The following ANOS1 variants were observed in gnomAD, a reference collection of about 807,000 sequenced individuals.
ANOS1 encodes the protein anosmin-1.
A neutral mutation model predicts 59.0 loss-of-function variants in ANOS1; 6 were observed. The ratio of observed to expected loss-of-function variants is 0.10; its 90% CI spans 0.06 to 0.20. ANOS1 has a LOEUF of 0.20. Among genes scored for constraint, ANOS1 ranks in the 10% least tolerant of loss-of-function variants. The pLI is 1.00. For synonymous variants in ANOS1, 217 were observed against 223.4 expected (o/e 0.97, Z 0.25); for missense variants, 433 against 542.3 (o/e 0.80, Z 2.00).
intron 2 of ANOS1, among the ~76,000 whole-genome samples, chrX:8,683,183 A>T (rs762800870): frequency 9.0e-6 from 1 of 111,719 alleles, no homozygotes; most frequent in African/African-American, 3.3e-5. Context: ...ATCAGAGGGG[A>T]TAGCAAAACA....
chrX:8,674,530 C>A (rs1020190539), intron 2 of ANOS1, among the ~76,000 whole-genome samples: 1 of 111,979 alleles, frequency 8.9e-6, no homozygotes, highest in Non-Finnish European at 1.9e-5. Context: ...CCGGGCCACA[C>A]TGGAAGAAGA....
chrX:8,640,591 C>CAAA (rs545822787), intron 2 of ANOS1, among the ~76,000 whole-genome samples: 695 of 31,522 alleles, frequency 0.022, 19 homozygotes, highest in African/African-American at 0.056. Context: ...TGAACCTGTA[C>CAAA]AAAAAAAAAA....
intron 2 of ANOS1, among the ~76,000 whole-genome samples, chrX:8,683,152 G>A (rs1932452318): frequency 1.8e-5 from 2 of 111,331 alleles, no homozygotes; most frequent in South Asian, 7.7e-4. Flanking sequence ...ACATTTTAGG[G>A]ATAGTAAATG....
chrX:8,636,907 T>A (rs1931582379), intron 2 of ANOS1, among the ~76,000 whole-genome samples: 1 of 112,449 alleles, frequency 8.9e-6, no homozygotes, highest in South Asian at 3.7e-4. Flanking sequence ...ACTTTTCAGA[T>A]GCTTAAAAGG....
chrX:8,646,094 A>G (rs1192845757), intron 2 of ANOS1, among the ~76,000 whole-genome samples: 2 of 112,325 alleles, frequency 1.8e-5, no homozygotes, highest in Admixed American at 9.4e-5. Flanking sequence ...GTGCTGGGAC[A>G]ATTTTATTCT....
rs757508428 is a variant in ANOS1, at chrX:8,724,476, G to A, written c.207+7354C>T. 7.1e-5 allele frequency among the ~76,000 whole-genome samples: 8 copies of A among 112,569 alleles called. No individual in the cohort carries two copies. In the East Asian group the frequency reaches 2.3e-3, roughly 32 times the overall value. On this transcript the variant is annotated intron_variant, in intron 1 of 13. Transcript: ENST00000262648. Reference sequence around the variant, plus strand: ...GATCCCATGCGATGCTTTTGGGCATGAATTGCATTACAGAGCTGATTCCAG... The same window carrying A: ...GATCCCATGCGATGCTTTTGGGCATAAATTGCATTACAGAGCTGATTCCAG...
At chrX:8,715,229 C>G (rs1932835152) in intron 1 of ANOS1, among the ~76,000 whole-genome samples, 2 of 111,325 alleles carry the variant, frequency 1.8e-5, no homozygotes, top group South Asian at 7.5e-4. Flanking sequence ...ATTTAAAAAT[C>G]TACTTAATCT....
At position 8,693,733 on chromosome X, in the gene ANOS1, AT is replaced by A. The variant is rs35989320; in HGVS notation, c.255+5964del. 3.0e-3 allele frequency among the ~76,000 whole-genome samples: 225 copies of A among 75,322 alleles called. 1 individual carries two copies. Among genetic ancestry groups the A allele is most frequent in the African/African-American group, 8.7e-3 (168 of 19,205 alleles). 65.4% of individuals were successfully genotyped at this position (75,322 alleles called of 115,157 possible). ...GGGACTCATAAGGAATATTGCATGA[AT>A]TTTTTTTTTTTTTTTTTTTTTTTAG... On this transcript the variant is annotated intron_variant, in intron 2 of 13. Coordinates refer to ENST00000262648, the MANE Select transcript of ANOS1 (RefSeq NM_000216.4).
At chrX:8,594,182 A>AC (rs1930668244) in intron 4 of ANOS1, among the ~76,000 whole-genome samples, 1 of 110,414 alleles carries the variant, frequency 9.1e-6, no homozygotes, top group Non-Finnish European at 1.9e-5. Context: ...CATGACTCCC[A>AC]CTCTTATTAA....
intron 8 of ANOS1, among the ~76,000 whole-genome samples, chrX:8,567,453 G>T (rs1328369454): frequency 1.8e-5 from 2 of 110,722 alleles, no homozygotes; most frequent in Non-Finnish European, 1.9e-5. Context: ...GCCTTCAAAA[G>T]TGCCCAACTT....
At position 8,568,328 on chromosome X, in the gene ANOS1, C is replaced by T. The variant is rs1490275516; in HGVS notation, c.1111G>A (p.Val371Ile). 2.4e-5 allele frequency: 29 copies of T among 1,209,922 alleles called. No homozygotes were observed. The highest frequency in any genetic ancestry group is 3.0e-5 in the East Asian group (1 of 33,817). ...TACGTTATGGCTTGCAATTCCACAACATAGTCACAGTCTGGCTGGAGTTTC... is the reference window on the plus strand; with the variant it reads ...TACGTTATGGCTTGCAATTCCACAATATAGTCACAGTCTGGCTGGAGTTTC... ...LEKLQPDCDYVVELQAITYWG... is the reference protein window; with the variant it reads ...LEKLQPDCDYIVELQAITYWG... The change falls in exon 8 of 14, where the codon GTT (valine) becomes ATT (isoleucine). Residue 371 changes from valine (V) to isoleucine (I), a missense_variant. Physicochemically the swap from Val to Ile is conservative, Grantham distance 29 (BLOSUM62 3). Coordinates refer to ENST00000262648, the MANE Select transcript of ANOS1 (RefSeq NM_000216.4).
At chrX:8,699,582 G>T in intron 2 of ANOS1, 116 bp downstream of exon 2, 2 of 476,834 alleles carry the variant, frequency 4.2e-6, no homozygotes, top group Non-Finnish European at 7.0e-6. Context: ...TGTAACCATT[G>T]GTGGAAACTG....
intron 3 of ANOS1, among the ~76,000 whole-genome samples, chrX:8,600,130 CG>C (rs939720782): frequency 8.9e-6 from 1 of 111,846 alleles, no homozygotes; most frequent in Non-Finnish European, 1.9e-5. Context: ...TTAAAATATG[CG>C]TAAGAGTTGA....
At chrX:8,636,471 T>A (rs1405336128) in intron 2 of ANOS1, among the ~76,000 whole-genome samples, 1 of 112,301 alleles carries the variant, frequency 8.9e-6, no homozygotes, top group Non-Finnish European at 1.9e-5. Context: ...GGTAACTATA[T>A]GCTGTTGGCT....
Position 8,585,367 on chromosome X carries a change from G to A in ANOS1, c.756C>T (p.Asp252=). The A allele has an allele frequency of 4.1e-6, 5 of 1,211,243 alleles. No individual in the cohort carries two copies. The highest frequency in any genetic ancestry group is 5.6e-6 in the Non-Finnish European group (5 of 894,955). Reference sequence around the variant, plus strand: ...ACTGGTACCATCGGCTGGGTCTTATGTCAGTCAGTTGAACTCGCTCGTCTG... The same window carrying A: ...ACTGGTACCATCGGCTGGGTCTTATATCAGTCAGTTGAACTCGCTCGTCTG... ...QTTDERVQLT[D]IRPSRWYQFR... is the part of the protein sequence containing the mutation. Residue 252 remains aspartate (D), a synonymous_variant, in exon 6 of 14, where the codon GAC becomes GAT. Coordinates refer to ENST00000262648, the MANE Select transcript of ANOS1 (RefSeq NM_000216.4).
chrX:8,676,166 T>A (rs887125663), intron 2 of ANOS1, among the ~76,000 whole-genome samples: 16 of 111,553 alleles, frequency 1.4e-4, no homozygotes, highest in African/African-American at 5.2e-4. Context: ...CTAACCCAAA[T>A]GGCCAACTAG....
At position 8,587,786 on chromosome X, in the gene ANOS1, G is replaced by T. The variant is rs1296916173; in HGVS notation, c.726+8C>A. 9 of 1,188,693 alleles carry T rather than the reference G, an allele frequency of 7.6e-6. No homozygotes were observed. Among genetic ancestry groups the T allele is most frequent in the Non-Finnish European group, 1.0e-5 (9 of 880,220 alleles). ...GGATGAAAATCAAAGTCTATATGAGGTTCTTACCTGGGCCACTGTCTGCCA... is the reference window on the plus strand; with the variant it reads ...GGATGAAAATCAAAGTCTATATGAGTTTCTTACCTGGGCCACTGTCTGCCA... On this transcript the variant is annotated splice_region_variant and intron_variant, in intron 5 of 13. Coordinates refer to ENST00000262648, the MANE Select transcript of ANOS1 (RefSeq NM_000216.4).
intron 1 of ANOS1, among the ~76,000 whole-genome samples, chrX:8,731,545 C>T (rs1932977187): frequency 8.9e-6 from 1 of 112,271 alleles, no homozygotes; most frequent in Non-Finnish European, 1.9e-5. Flanking sequence ...CCACTCCCAG[C>T]ATCCACGACT....
chrX:8,550,610 TA>T (rs996720754), intron 9 of ANOS1, among the ~76,000 whole-genome samples: 3 of 111,412 alleles, frequency 2.7e-5, no homozygotes, highest in African/African-American at 9.8e-5. Context: ...GTTAAGACAG[TA>T]AGGTATTGTC....
Sources: allele counts gnomAD v4.1 joint callset (sites outside exome capture counted in the v4.1 genomes callset), GRCh38; gene constraint gnomAD v4.1.1; transcripts MANE v1.5; gene names NCBI Gene and HGNC (gene_info 2026-07-23, HGNC 2026-07-21).